Variants in MYT1L observed in about 807,000 individuals in gnomAD.
The protein encoded by MYT1L is myelin transcription factor 1-like protein.
In MYT1L, 12 loss-of-function variants were observed where a neutral mutation model predicts 126.7. The observed-to-expected ratio is 0.09, with a 90% CI of 0.06 to 0.15. MYT1L has a LOEUF of 0.15. Among genes scored for constraint, MYT1L ranks in the 10% least tolerant of loss-of-function variants. The pLI is 1.00. For missense variants in MYT1L, 979 were observed against 1,585.2 expected (o/e 0.62, Z 6.49); for synonymous variants, 541 against 604.2 (o/e 0.90, Z 1.53).
intron 5 of MYT1L, among the ~76,000 whole-genome samples, chr2:1,988,647 T>C (rs536179545): frequency 5.9e-5 from 9 of 152,364 alleles, no homozygotes; most frequent in East Asian, 3.9e-4. Flanking sequence ...AGTATTTTCA[T>C]GTGTAAAATC....
chr2:2,255,359 C>T (rs2094778882), intron 2 of MYT1L, among the ~76,000 whole-genome samples: 1 of 152,086 alleles, frequency 6.6e-6, no homozygotes, highest in African/African-American at 2.4e-5. Flanking sequence ...AGTTTTTAAG[C>T]ACAAGCCTCA....
intron 3 of MYT1L, among the ~76,000 whole-genome samples, chr2:2,169,450 A>C (rs2148511776): frequency 6.6e-6 from 1 of 152,342 alleles, no homozygotes; most frequent in South Asian, 2.1e-4. Flanking sequence ...ATACAGATTC[A>C]CATGCCAAAT....
chr2:2,010,127 A>T (rs549669440), intron 4 of MYT1L, among the ~76,000 whole-genome samples: 1 of 152,268 alleles, frequency 6.6e-6, no homozygotes, highest in Non-Finnish European at 1.5e-5. Context: ...GGTAAAATGG[A>T]GAGTACACCA....
intron 3 of MYT1L, among the ~76,000 whole-genome samples, chr2:2,160,656 C>T (rs1433449308): frequency 6.6e-6 from 1 of 152,150 alleles, no homozygotes; most frequent in Non-Finnish European, 1.5e-5. Flanking sequence ...GAAGATGCCA[C>T]AAGATCAAAG....
chr2:1,882,561 C>T (rs953608943), intron 18 of MYT1L, among the ~76,000 whole-genome samples: 3 of 152,200 alleles, frequency 2.0e-5, no homozygotes, highest in Admixed American at 2.0e-4. Context: ...GAAATACGGC[C>T]TCCTGGTAAA....
At chr2:2,327,522 C>A (rs531861847) in intron 1 of MYT1L, among the ~76,000 whole-genome samples, 1 of 152,124 alleles carries the variant, frequency 6.6e-6, no homozygotes, top group Non-Finnish European at 1.5e-5. Context: ...TAGGAAAATG[C>A]ATAACATCAT....
intron 2 of MYT1L, among the ~76,000 whole-genome samples, chr2:2,251,184 A>C (rs2094638764): frequency 6.6e-6 from 1 of 152,204 alleles, no homozygotes; most frequent in Non-Finnish European, 1.5e-5. Flanking sequence ...ATCCTCATTT[A>C]CAGGTATGTT....
chr2:1,908,097 A>G (rs2148997314), intron 13 of MYT1L, among the ~76,000 whole-genome samples: 1 of 152,286 alleles, frequency 6.6e-6, no homozygotes, highest in East Asian at 1.9e-4. Flanking sequence ...CACAGAGGAG[A>G]ACGGCTGCAG....
chr2:1,808,322 T>G (rs1241543480), intron 22 of MYT1L, among the ~76,000 whole-genome samples: 1 of 152,156 alleles, frequency 6.6e-6, no homozygotes, highest in Non-Finnish European at 1.5e-5. Flanking sequence ...CTAGCGTGTG[T>G]TTTCTCTGTG....
intron 2 of MYT1L, among the ~76,000 whole-genome samples, chr2:2,175,170 A>T (rs1459583278): frequency 6.6e-6 from 1 of 152,080 alleles, no homozygotes; most frequent in Admixed American, 6.5e-5. Flanking sequence ...TGAAGGAAGG[A>T]AGAACCAAGC....
intron 4 of MYT1L, among the ~76,000 whole-genome samples, chr2:2,018,955 T>C (rs539550373): frequency 5.4e-4 from 82 of 152,274 alleles, no homozygotes; most frequent in Non-Finnish European, 1.1e-3. Flanking sequence ...AGTTGACAGA[T>C]GGAGAGGATG....
intron 3 of MYT1L, among the ~76,000 whole-genome samples, chr2:2,055,967 G>A (rs1020164234): frequency 9.8e-5 from 15 of 152,336 alleles, no homozygotes; most frequent in African/African-American, 2.6e-4. Context: ...AGACCATCAG[G>A]CCATTCCTGT....
At chr2:2,010,076 G>A (rs1202479938) in intron 4 of MYT1L, among the ~76,000 whole-genome samples, 1 of 152,116 alleles carries the variant, frequency 6.6e-6, no homozygotes, top group East Asian at 1.9e-4. Flanking sequence ...TTATTCTAAA[G>A]CTGTGCAAAG....
chr2:1,896,959 C>A (rs191888151), intron 14 of MYT1L, among the ~76,000 whole-genome samples: 3 of 152,116 alleles, frequency 2.0e-5, no homozygotes, highest in Non-Finnish European at 4.4e-5. Context: ...ATTGACTTTC[C>A]CAGATATTTA....
chr2:2,005,875 GCATGCGTTCTTTCCT>G (rs1275105742), intron 4 of MYT1L, among the ~76,000 whole-genome samples: 18 of 139,608 alleles, frequency 1.3e-4, no homozygotes, highest in East Asian at 2.2e-4. Context: ...TTTCTTTCCT[GCATGCGTTCTTTCCT>G]CATGCGTTCT....
chr2:2,160,927 A>G (rs1430705359), intron 3 of MYT1L, among the ~76,000 whole-genome samples: 2 of 152,130 alleles, frequency 1.3e-5, no homozygotes, highest in Non-Finnish European at 2.9e-5. Context: ...CAATTCAAAA[A>G]CAAACTGGGC....
At chr2:1,966,454 T>TG (rs1219858872) in intron 8 of MYT1L, among the ~76,000 whole-genome samples, 3 of 152,214 alleles carry the variant, frequency 2.0e-5, no homozygotes, top group Non-Finnish European at 4.4e-5. Flanking sequence ...TCCATTGATG[T>TG]GGGTGTAAAC....
chr2:2,090,298 C>T (rs532486406), intron 3 of MYT1L, among the ~76,000 whole-genome samples: 57 of 152,244 alleles, frequency 3.7e-4, no homozygotes, highest in African/African-American at 1.2e-3. Flanking sequence ...CACCAGACCA[C>T]CACAATAAAG....
At chr2:2,143,540 C>T (rs903322183) in intron 3 of MYT1L, among the ~76,000 whole-genome samples, 2 of 152,088 alleles carry the variant, frequency 1.3e-5, no homozygotes, top group African/African-American at 2.4e-5. Flanking sequence ...CACTTACTCA[C>T]GTACCACTGA....
Sources: gnomAD v4.1 joint callset for allele counts (sites outside exome capture counted in the v4.1 genomes callset) on GRCh38, gnomAD v4.1.1 for gene constraint, MANE v1.5 for transcripts, NCBI Gene and HGNC (gene_info 2026-07-23, HGNC 2026-07-21) for gene names.